Variants in CTNND2 observed in about 807,000 individuals in gnomAD.
CTNND2 encodes catenin delta-2.
CTNND2 carries 22 observed loss-of-function variants against 144.4 expected under a neutral mutation model. The ratio of observed to expected loss-of-function variants is 0.15; its 90% CI spans 0.11 to 0.22. CTNND2 has a LOEUF of 0.22. Among genes scored for constraint, CTNND2 ranks in the 10% least tolerant of loss-of-function variants. The probability of loss-of-function intolerance (pLI) is 1.00; values close to 1 mark genes in which losing one functional copy is unlikely to be tolerated. For missense variants in CTNND2, 1,353 were observed against 1,618.8 expected (o/e 0.84, Z 2.82); for synonymous variants, 751 against 695.6 (o/e 1.08, Z -1.25).
At chr5:11,666,725 G>A (rs1289618930) in intron 2 of CTNND2, among the ~76,000 whole-genome samples, 1 of 151,966 alleles carries the variant, frequency 6.6e-6, no homozygotes, top group Non-Finnish European at 1.5e-5. Flanking sequence ...TAAAGTGAAT[G>A]AATTCTTCTA....
At chr5:11,583,345 C>G (rs897461440) in intron 2 of CTNND2, among the ~76,000 whole-genome samples, 1 of 152,178 alleles carries the variant, frequency 6.6e-6, no homozygotes, top group Non-Finnish European at 1.5e-5. Context: ...GGGGCGTATG[C>G]AGTGAGAGTG....
At chr5:11,744,688 T>TGC (rs1312010764) in intron 1 of CTNND2, among the ~76,000 whole-genome samples, 3 of 146,502 alleles carry the variant, frequency 2.0e-5, no homozygotes, top group Non-Finnish European at 4.4e-5. Flanking sequence ...TGTGTGTTTG[T>TGC]GTGTGTGCGT....
At chr5:11,084,344 C>T (rs1379553505) in intron 15 of CTNND2, among the ~76,000 whole-genome samples, 1 of 152,198 alleles carries the variant, frequency 6.6e-6, no homozygotes, top group African/African-American at 2.4e-5. Context: ...CATGCTGAAA[C>T]ATGACTTCCT....
intron 8 of CTNND2, among the ~76,000 whole-genome samples, chr5:11,359,204 T>G (rs758446638): frequency 2.9e-4 from 44 of 152,350 alleles, no homozygotes; most frequent in Middle Eastern, 3.4e-3. Flanking sequence ...AGCTCTGGTT[T>G]TGACAAGCCT....
intron 2 of CTNND2, among the ~76,000 whole-genome samples, chr5:11,633,611 A>C (rs1326344948): frequency 6.6e-6 from 1 of 152,190 alleles, no homozygotes; most frequent in East Asian, 1.9e-4. Context: ...CCCCATCTCT[A>C]CTAAAAATAC....
At chr5:11,236,639 T>C in intron 10 of CTNND2, 52 bp downstream of exon 10, 1 of 1,594,220 alleles carries the variant, frequency 6.3e-7, no homozygotes. Context: ...TAAGAAGATC[T>C]AAGTGCTTAT....
intron 2 of CTNND2, among the ~76,000 whole-genome samples, chr5:11,574,036 C>G (rs756316282): frequency 6.6e-6 from 1 of 152,038 alleles, no homozygotes; most frequent in South Asian, 2.1e-4. Flanking sequence ...ATGGGTGACT[C>G]TAAACTCTAT....
At chr5:11,867,184 T>C (rs976514041) in intron 1 of CTNND2, among the ~76,000 whole-genome samples, 2 of 152,146 alleles carry the variant, frequency 1.3e-5, no homozygotes, top group African/African-American at 4.8e-5. Context: ...ACAAGCCGAG[T>C]TATTCCAGAG....
intron 2 of CTNND2, among the ~76,000 whole-genome samples, chr5:11,604,828 T>C (rs546382685): frequency 3.9e-5 from 6 of 152,340 alleles, no homozygotes; most frequent in African/African-American, 9.6e-5. Flanking sequence ...GAGATATTCA[T>C]GGGCATTTGT....
intron 2 of CTNND2, among the ~76,000 whole-genome samples, chr5:11,599,151 C>T (rs2126316984): frequency 6.6e-6 from 1 of 152,240 alleles, no homozygotes; most frequent in Admixed American, 6.5e-5. Flanking sequence ...TCCTACTAAG[C>T]CCCACCTTCA....
At chr5:11,239,841 A>C (rs1742029447) in intron 9 of CTNND2, among the ~76,000 whole-genome samples, 1 of 152,148 alleles carries the variant, frequency 6.6e-6, no homozygotes, top group African/African-American at 2.4e-5. Flanking sequence ...TGCCCAGTGG[A>C]GGATGACACC....
At chr5:11,487,876 C>T (rs1011290782) in intron 3 of CTNND2, among the ~76,000 whole-genome samples, 1 of 151,792 alleles carries the variant, frequency 6.6e-6, no homozygotes, top group African/African-American at 2.4e-5. Flanking sequence ...GGATCAGTGG[C>T]TTTTTTTTGG....
At chr5:11,273,877 A>C (rs1349951338) in intron 9 of CTNND2, among the ~76,000 whole-genome samples, 1 of 152,206 alleles carries the variant, frequency 6.6e-6, no homozygotes, top group African/African-American at 2.4e-5. Context: ...GTTTTCCTAA[A>C]AAGATGTTTT....
At chr5:11,502,455 A>G (rs1046829099) in intron 3 of CTNND2, among the ~76,000 whole-genome samples, 1 of 152,344 alleles carries the variant, frequency 6.6e-6, no homozygotes, top group South Asian at 2.1e-4. Flanking sequence ...AAGGAATTTA[A>G]TATCAGCACA....
At chr5:11,785,951 C>T (rs955259945) in intron 1 of CTNND2, among the ~76,000 whole-genome samples, 9 of 152,192 alleles carry the variant, frequency 5.9e-5, no homozygotes, top group Middle Eastern at 3.2e-3. Context: ...AGCCAGTGCC[C>T]GGGGCAGTCA....
In CTNND2 at chr5:11,390,531, C is replaced by T. The variant is rs548868550; in HGVS notation, c.613-5302G>A. Among the ~76,000 whole-genome samples, 3 of 152,318 alleles carry T rather than the reference C, an allele frequency of 2.0e-5. No homozygotes were observed. In the South Asian group the frequency reaches 6.2e-4, roughly 32 times the overall value. Reference sequence around the variant, plus strand: ...TAATCTCTAAGGAATCTTGACTTCTCATCATGAGTAAGCCCTGTCACTAAG... The same window carrying T: ...TAATCTCTAAGGAATCTTGACTTCTTATCATGAGTAAGCCCTGTCACTAAG... On this transcript the variant is annotated intron_variant, in intron 6 of 21. Transcript: ENST00000304623.
intron 2 of CTNND2, among the ~76,000 whole-genome samples, chr5:11,596,294 T>C (rs1405056881): frequency 1.3e-5 from 2 of 152,220 alleles, no homozygotes; most frequent in Non-Finnish European, 2.9e-5. Flanking sequence ...AATTAGCTCA[T>C]GTCTTTACTT....
intron 1 of CTNND2, among the ~76,000 whole-genome samples, chr5:11,867,669 A>G (rs1795838126): frequency 6.6e-6 from 1 of 152,110 alleles, no homozygotes; most frequent in East Asian, 1.9e-4. Flanking sequence ...AATAATATCT[A>G]TGCTCTATAA....
intron 16 of CTNND2, among the ~76,000 whole-genome samples, chr5:11,066,900 G>A (rs1445631294): frequency 9.8e-5 from 15 of 152,294 alleles, no homozygotes; most frequent in South Asian, 4.1e-4. Flanking sequence ...TGTTTCCTTA[G>A]TTCAGCAGAT....
Sources: allele counts gnomAD v4.1 joint callset (sites outside exome capture counted in the v4.1 genomes callset), GRCh38; gene constraint gnomAD v4.1.1; transcripts MANE v1.5; gene names NCBI Gene and HGNC (gene_info 2026-07-23, HGNC 2026-07-21).